Variants in EIF2AK4 observed in about 807,000 individuals in gnomAD.
The protein encoded by EIF2AK4 is eukaryotic translation initiation factor 2 alpha kinase 4.
Under a neutral mutation model 211.1 loss-of-function variants are expected in EIF2AK4, and 139 were observed. The ratio of observed to expected loss-of-function variants is 0.66; its 90% CI spans 0.57 to 0.76. The LOEUF (loss-of-function observed/expected upper bound fraction) is 0.76, where lower values mean the gene tolerates loss of function less well. EIF2AK4 is among the 30% of genes least tolerant of loss of function. The probability of loss-of-function intolerance (pLI) is 0.00; values close to 1 mark genes in which losing one functional copy is unlikely to be tolerated. For synonymous variants in EIF2AK4, 710 were observed against 751.3 expected (o/e 0.94, Z 0.90); for missense variants, 1,664 against 2,043.8 (o/e 0.81, Z 3.58).
chr15:39,943,767 C>T (rs868538300), intron 3 of EIF2AK4, among the ~76,000 whole-genome samples: 3 of 151,628 alleles, frequency 2.0e-5, no homozygotes, highest in Admixed American at 1.3e-4. Context: ...AGTTTGAGAC[C>T]AGCCTGAGCA....
intron 3 of EIF2AK4, chr15:39,946,855 A>G (rs2034235169): frequency 3.5e-6 from 2 of 572,164 alleles, no homozygotes; most frequent in Non-Finnish European, 6.2e-6. Flanking sequence ...TCAGATGATC[A>G]TTAGCATTTT....
chr15:40,034,957 A>G, intron 38 of EIF2AK4, 70 bp from the exon 39 acceptor site: 2 of 1,301,230 alleles, frequency 1.5e-6, no homozygotes, highest in Non-Finnish European at 2.1e-6. Context: ...AGGTGTTATA[A>G]AAATTTATTA....
chr15:39,976,812 C>A lies in EIF2AK4; in HGVS notation c.2217C>A (p.Asp739Glu). 2 of 1,561,610 alleles carry A rather than the reference C, an allele frequency of 1.3e-6. No homozygotes were observed. Among genetic ancestry groups the A allele is most frequent in the South Asian group, 1.2e-5 (1 of 84,148 alleles). Residue 739 changes from aspartate to glutamate, a missense_variant, in exon 12 of 39, where the codon GAC becomes GAA. Asp to Glu is a conservative substitution (Grantham distance 45, BLOSUM62 2). Around this residue, in one of 7 missense-constraint regions of EIF2AK4, gnomAD observed 206 missense variants for 201.9 expected, o/e 1.02. Coordinates refer to ENST00000263791, the MANE Select transcript of EIF2AK4 (RefSeq NM_001013703.4). Reference protein sequence around the residue: ...GSSDDEDDDEDEHGGVFSQSF... With the variant: ...GSSDDEDDDEEEHGGVFSQSF... ...GCGATGACGAGGACGACGACGAGGA[C>A]GAGCACGGTGGCGTCTTCTCCCAGT...
rs1445936448 is a variant in EIF2AK4, at chr15:40,035,013, C to A, written c.4893-14C>A. 3.2e-6 allele frequency: 5 copies of A among 1,575,404 alleles called. No homozygotes were observed. The highest frequency in any genetic ancestry group is 4.3e-6 in the Non-Finnish European group (5 of 1,162,546). ...AACTGAGTCTGTCCTTATATCTTTT[C>A]TTTTCTTTTGCAGGGTGTCTGTGCT... On this transcript the variant is annotated splice_polypyrimidine_tract_variant and intron_variant, in intron 38 of 38. Coordinates refer to ENST00000263791, the MANE Select transcript of EIF2AK4 (RefSeq NM_001013703.4).
intron 25 of EIF2AK4, among the ~76,000 whole-genome samples, 154 bp downstream of exon 25, chr15:40,008,349 C>T (rs1306703851): frequency 6.6e-6 from 1 of 152,166 alleles, no homozygotes; most frequent in Non-Finnish European, 1.5e-5. Context: ...GCTGGTGTTG[C>T]TTTTGAGGTT....
intron 1 of EIF2AK4, among the ~76,000 whole-genome samples, chr15:39,936,888 A>G (rs1037932687): frequency 2.6e-5 from 4 of 152,246 alleles, no homozygotes; most frequent in East Asian, 1.9e-4. Context: ...AATAAACACT[A>G]TAACTAACCT....
chr15:39,942,040 AT>A (rs1231648380), intron 2 of EIF2AK4, among the ~76,000 whole-genome samples: 2 of 152,078 alleles, frequency 1.3e-5, no homozygotes, highest in Non-Finnish European at 2.9e-5. Context: ...GAACATTAGA[AT>A]TTTTTTTGAA....
chr15:40,030,694 G>A (rs1244882920), intron 35 of EIF2AK4, among the ~76,000 whole-genome samples: 4 of 152,186 alleles, frequency 2.6e-5, no homozygotes, highest in Non-Finnish European at 4.4e-5. Context: ...CAGAGTGACT[G>A]CATCTAAATG....
At chr15:39,967,133 A>G (rs1446417357) in intron 8 of EIF2AK4, among the ~76,000 whole-genome samples, 1 of 152,142 alleles carries the variant, frequency 6.6e-6, no homozygotes, top group Non-Finnish European at 1.5e-5. Context: ...GAACTATTAG[A>G]TTGACCATAT....
chr15:40,029,450 T>A lies in EIF2AK4; in HGVS notation c.4547T>A (p.Phe1516Tyr). 1 of 1,613,220 alleles carries A rather than the reference T, an allele frequency of 6.2e-7. No homozygotes were observed. Among genetic ancestry groups the A allele is most frequent in the Non-Finnish European group, 8.5e-7 (1 of 1,179,820 alleles). Residue 1516 changes from phenylalanine (F) to tyrosine (Y), a missense_variant, in exon 34 of 39, where the codon TTT becomes TAT. This residue lies in a region of EIF2AK4 where 138 missense variants were observed against 165.1 expected (regional missense o/e 0.84). Transcript: ENST00000263791. ...NLAVQNLKGS[F>Y]SNASGLFEIH... is the part of the protein sequence containing the mutation. ...GCAGTGCAAAATCTGAAGGGGTCATTTTCTAATGCTTCAGGTATAATTACT... is the reference window on the plus strand; with the variant it reads ...GCAGTGCAAAATCTGAAGGGGTCATATTCTAATGCTTCAGGTATAATTACT...
chr15:39,981,640 T>C (rs1295490719), intron 13 of EIF2AK4, among the ~76,000 whole-genome samples: 1 of 151,884 alleles, frequency 6.6e-6, no homozygotes, highest in Non-Finnish European at 1.5e-5. Flanking sequence ...AGGAAAAAGT[T>C]CAAAAAAATT....
intron 32 of EIF2AK4, 117 bp downstream of exon 32, chr15:40,022,722 C>A: frequency 1.2e-6 from 1 of 803,452 alleles, no homozygotes; most frequent in Non-Finnish European, 2.0e-6. Flanking sequence ...CTCTACTCTC[C>A]CTTTCCATTG....
Position 39,975,974 on chromosome 15 carries a change from A to G in EIF2AK4, c.1819-440A>G, listed in dbSNP as rs921564396. Among the ~76,000 whole-genome samples, 8 of 152,206 alleles carry G rather than the reference A, an allele frequency of 5.3e-5. No individual in the cohort carries two copies. The South Asian group carries it at 1.0e-3, about 20-fold the overall frequency. On this transcript the variant is annotated intron_variant, in intron 11 of 38. Transcript: ENST00000263791. ...TTAACCTTTGTGTTCAGGTCTGTTAATATTTTTGGTGTTTAATTTGTTTTT... is the reference window on the plus strand; with the variant it reads ...TTAACCTTTGTGTTCAGGTCTGTTAGTATTTTTGGTGTTTAATTTGTTTTT...
chr15:39,989,571 A>G (rs16970132), intron 15 of EIF2AK4, among the ~76,000 whole-genome samples: 10,172 of 152,180 alleles, frequency 0.067, 715 homozygotes, highest in East Asian at 0.21. Flanking sequence ...GGCATCTAAC[A>G]CTGTGCCATA....
intron 27 of EIF2AK4, among the ~76,000 whole-genome samples, chr15:40,011,899 G>T (rs539330287): frequency 1.3e-5 from 2 of 152,174 alleles, no homozygotes; most frequent in African/African-American, 4.8e-5. Context: ...TATTCTCTCT[G>T]TAGGCATCAG....
At chr15:39,965,485 A>T (rs997679348) in intron 7 of EIF2AK4, among the ~76,000 whole-genome samples, 1 of 152,146 alleles carries the variant, frequency 6.6e-6, no homozygotes, top group Non-Finnish European at 1.5e-5. Context: ...GCCCCTTATA[A>T]AAAATTATTT....
At chr15:40,005,317 T>G (rs2035145401) in intron 23 of EIF2AK4, among the ~76,000 whole-genome samples, 1 of 152,038 alleles carries the variant, frequency 6.6e-6, no homozygotes, top group Non-Finnish European at 1.5e-5. Context: ...AAAAAGTAAA[T>G]TTCAAAGGAA....
chr15:40,009,860 A>G (rs1210419912), intron 26 of EIF2AK4, 130 bp downstream of exon 26: 1 of 669,668 alleles, frequency 1.5e-6, no homozygotes, highest in Non-Finnish European at 2.6e-6. Flanking sequence ...TCCTTCCTTC[A>G]TTGCTCTAAA....
Position 40,017,186 on chromosome 15 carries a change from C to G in EIF2AK4, c.4009C>G (p.Arg1337Gly), listed in dbSNP as rs770279669. ...IIFQFVAFIKRRQRAVPEILA... is the reference protein window; with the variant it reads ...IIFQFVAFIKGRQRAVPEILA... Reference sequence around the variant, plus strand: ...CTTCCAGTTTGTGGCTTTCATCAAACGAAGGCAAAGGGCTGTACCTGAAAT... The same window carrying G: ...CTTCCAGTTTGTGGCTTTCATCAAAGGAAGGCAAAGGGCTGTACCTGAAAT... The change falls in exon 29 of 39, where the codon CGA becomes GGA. Residue 1337 changes from arginine to glycine, a missense_variant. Coordinates refer to ENST00000263791, the MANE Select transcript of EIF2AK4 (RefSeq NM_001013703.4). The G allele has an allele frequency of 5.0e-6, 8 of 1,613,844 alleles. No homozygotes were observed. The highest frequency in any genetic ancestry group is 1.1e-5 in the South Asian group (1 of 91,074).
Sources: gnomAD v4.1 joint callset for allele counts (sites outside exome capture counted in the v4.1 genomes callset) on GRCh38, gnomAD v4.1.1 for gene constraint, gnomAD v4.1.1 regional missense constraint, MANE v1.5 for transcripts, NCBI Gene and HGNC (gene_info 2026-07-23, HGNC 2026-07-21) for gene names.